The following CABIN1 variants were observed in gnomAD, a reference collection of about 807,000 sequenced individuals.
CABIN1 encodes the protein calcineurin binding protein 1.
A neutral mutation model predicts 227.7 loss-of-function variants in CABIN1; 133 were observed. That is an observed-to-expected ratio of 0.58 (90% CI 0.51 to 0.67). The LOEUF (loss-of-function observed/expected upper bound fraction) is 0.67, where lower values mean the gene tolerates loss of function less well. Among genes scored for constraint, CABIN1 ranks in the 30% least tolerant of loss-of-function variants. The probability of loss-of-function intolerance (pLI) is 0.00; values close to 1 mark genes in which losing one functional copy is unlikely to be tolerated. For missense variants in CABIN1, 2,408 were observed against 2,852.5 expected (o/e 0.84, Z 3.55); for synonymous variants, 1,086 against 1,155.1 (o/e 0.94, Z 1.21).
intron 19 of CABIN1, among the ~76,000 whole-genome samples, chr22:24,079,952 T>C (rs2040701033): frequency 6.6e-6 from 1 of 151,664 alleles, no homozygotes; most frequent in Non-Finnish European, 1.5e-5. Flanking sequence ...AAAATTTGAA[T>C]GTCAAATTTA....
intron 23 of CABIN1, 107 bp downstream of exon 23, chr22:24,087,820 C>G (rs1187515173): frequency 5.0e-6 from 7 of 1,411,992 alleles, no homozygotes; most frequent in Non-Finnish European, 6.9e-6. Flanking sequence ...GTCCACACAT[C>G]CATGCTGGGA....
At chr22:24,028,337 G>C (rs1238101132) in intron 1 of CABIN1, among the ~76,000 whole-genome samples, 1 of 152,126 alleles carries the variant, frequency 6.6e-6, no homozygotes, top group African/African-American at 2.4e-5. Context: ...CAAAAAAACG[G>C]GGACTGTTAA....
At position 24,076,236 on chromosome 22, in the gene CABIN1, C is replaced by CAG. The variant is rs1363392835; in HGVS notation, c.2702_2703dup (p.Arg902GlufsTer109). ...TGAACACAGCCCACGAGTATTTGGG[C>CAG]AGAAGGTCCTGGTGCTGCAATTCAG... On this transcript the variant is annotated frameshift_variant, in exon 19 of 37. Transcript: ENST00000263119. LOFTEE classifies it high-confidence loss of function. 8 of 1,614,036 alleles carry CAG rather than the reference C, an allele frequency of 5.0e-6. No homozygotes were observed. Among genetic ancestry groups the CAG allele is most frequent in the Non-Finnish European group, 6.8e-6 (8 of 1,180,028 alleles).
chr22:24,036,059 T>G, intron 2 of CABIN1, 30 bp from the exon 3 acceptor site: 1 of 1,507,422 alleles, frequency 6.6e-7, no homozygotes, highest in Non-Finnish European at 9.2e-7. Context: ...TCAAAGCAAC[T>G]TGTCTCTTCC....
At chr22:24,050,448 C>T (rs1190779992) in intron 7 of CABIN1, among the ~76,000 whole-genome samples, 2 of 152,128 alleles carry the variant, frequency 1.3e-5, no homozygotes, top group African/African-American at 4.8e-5. Flanking sequence ...TTCACTTTTC[C>T]GATGACTTTT....
rs765670541 is a variant in CABIN1, at chr22:24,165,618, C to T, written c.4999C>T (p.Leu1667Phe). The part of the protein sequence containing the change: ...VKVLEDTLSE[L>F]AEGSERPGPK... ...GGTGCTCGAAGACACGCTGAGCGAGCTCGCAGAGGTATGCCACCTGTGTCC... is the reference window on the plus strand; with the variant it reads ...GGTGCTCGAAGACACGCTGAGCGAGTTCGCAGAGGTATGCCACCTGTGTCC... Residue 1667 changes from leucine (L) to phenylalanine (F), a missense_variant, in exon 31 of 37, where the codon CTC becomes TTC. Leu to Phe is a conservative substitution (Grantham distance 22). Around this residue, in one of 3 missense-constraint regions of CABIN1, gnomAD observed 714 missense variants for 773.8 expected, o/e 0.92. Coordinates refer to ENST00000263119, the MANE Select transcript of CABIN1 (RefSeq NM_012295.4). The T allele has an allele frequency of 6.2e-7, 1 of 1,612,260 alleles. No homozygotes were observed. The highest frequency in any genetic ancestry group is 1.3e-5 in the African/African-American group (1 of 75,034).
In CABIN1 at chr22:24,113,768, T is replaced by C. The variant is rs2042933210; in HGVS notation, c.4300+20T>C. ...AAAGAGGTATGAAGCCCTAACTCGG[T>C]GAATTAGAACCACTTTGATGTCCTG... is the stretch of plus-strand genomic sequence containing the variant. On this transcript the variant is annotated intron_variant, in intron 27 of 36. Transcript: ENST00000263119. The C allele has an allele frequency of 3.7e-6, 6 of 1,613,070 alleles. No homozygotes were observed. The highest frequency in any genetic ancestry group is 5.1e-6 in the Non-Finnish European group (6 of 1,179,558).
At chr22:24,048,423 AT>A (rs549013963) in intron 6 of CABIN1, among the ~76,000 whole-genome samples, 24 of 147,388 alleles carry the variant, frequency 1.6e-4, no homozygotes, top group African/African-American at 2.2e-4. Context: ...TGGTTTTGAG[AT>A]TTTTTTTTTT....
chr22:24,106,193 G>A (rs1396445277), intron 26 of CABIN1, among the ~76,000 whole-genome samples: 1 of 152,240 alleles, frequency 6.6e-6, no homozygotes, highest in African/African-American at 2.4e-5. Context: ...ATGGCTGATG[G>A]ATGGGGGTCC....
intron 12 of CABIN1, among the ~76,000 whole-genome samples, 195 bp downstream of exon 12, chr22:24,060,336 G>A (rs564679942): frequency 2.3e-4 from 35 of 152,290 alleles, no homozygotes; most frequent in African/African-American, 8.2e-4. Context: ...ATGGCTGAGT[G>A]GAGGATACAC....
At chr22:24,175,800 T>C in intron 34 of CABIN1, 1 of 493,144 alleles carries the variant, frequency 2.0e-6, no homozygotes, top group South Asian at 2.1e-5. Flanking sequence ...CACTGCCTTG[T>C]GATGGGATCT....
intron 8 of CABIN1, among the ~76,000 whole-genome samples, chr22:24,053,402 G>T (rs1601808535): frequency 6.6e-6 from 1 of 151,246 alleles, no homozygotes; most frequent in East Asian, 2.0e-4. Flanking sequence ...TCTTGAGACA[G>T]GGTCTCACTC....
At position 24,067,059 on chromosome 22, in the gene CABIN1, G is replaced by A. The variant is rs761323571; in HGVS notation, c.2110G>A (p.Asp704Asn). ...EEIQRLYEAG[D>N]YKAVVHLLRP... ...GATTCAGCGGCTGTATGAAGCAGGC[G>A]ACTACAAGGCTGTTGTGCATCTGCT... The change falls in exon 16 of 37, where the codon GAC (aspartate) becomes AAC (asparagine). Residue 704 changes from aspartate (D) to asparagine (N), a missense_variant. By Grantham distance (23) the Asp-to-Asn change is conservative (BLOSUM62 1). Coordinates refer to ENST00000263119, the MANE Select transcript of CABIN1 (RefSeq NM_012295.4). 8.1e-6 allele frequency: 13 copies of A among 1,614,082 alleles called. No homozygotes were observed. Among genetic ancestry groups the A allele is most frequent in the Admixed American group, 1.7e-5 (1 of 60,004 alleles).
intron 24 of CABIN1, among the ~76,000 whole-genome samples, chr22:24,093,459 C>T (rs1285116568): frequency 6.6e-6 from 1 of 152,028 alleles, no homozygotes. Flanking sequence ...GGGAGGATCA[C>T]TTGAGCCTGG....
At chr22:24,065,289 C>T (rs1254894711) in intron 15 of CABIN1, among the ~76,000 whole-genome samples, 67 of 137,438 alleles carry the variant, frequency 4.9e-4, no homozygotes, top group African/African-American at 1.8e-3. Flanking sequence ...ACTTCTCAGA[C>T]GGGGCGGCCG....
chr22:24,125,550 C>G (rs1201336932), intron 28 of CABIN1, among the ~76,000 whole-genome samples: 4 of 152,174 alleles, frequency 2.6e-5, no homozygotes, highest in African/African-American at 7.2e-5. Context: ...GGCAAGTGTT[C>G]GGGGGGAGCT....
chr22:24,103,757 C>T (rs142484695), intron 26 of CABIN1, among the ~76,000 whole-genome samples: 251 of 152,266 alleles, frequency 1.6e-3, no homozygotes, highest in African/African-American at 5.2e-3. Flanking sequence ...TAGCTGGTCA[C>T]GGCATTTATT....
At chr22:24,126,784 A>G (rs1241683464) in intron 28 of CABIN1, among the ~76,000 whole-genome samples, 1 of 152,146 alleles carries the variant, frequency 6.6e-6, no homozygotes, top group Non-Finnish European at 1.5e-5. Flanking sequence ...AAATCACTTG[A>G]GGTCAGGAGT....
intron 22 of CABIN1, among the ~76,000 whole-genome samples, chr22:24,085,352 G>A (rs979752885): frequency 4.6e-5 from 7 of 152,236 alleles, no homozygotes; most frequent in African/African-American, 9.6e-5. Context: ...AGAGGAGAAG[G>A]CCTCTTTTCC....
Sources: gnomAD v4.1 joint callset for allele counts (sites outside exome capture counted in the v4.1 genomes callset) on GRCh38, gnomAD v4.1.1 for gene constraint, gnomAD v4.1.1 regional missense constraint, MANE v1.5 for transcripts, NCBI Gene and HGNC (gene_info 2026-07-23, HGNC 2026-07-21) for gene names.